The following MALRD1 variants were observed in gnomAD, a reference collection of about 807,000 sequenced individuals.
MALRD1 encodes MAM and LDL-receptor class A domain-containing protein 1.
MALRD1 carries 247 observed loss-of-function variants against 242.1 expected under a neutral mutation model. The ratio of observed to expected loss-of-function variants is 1.02; its 90% CI spans 0.92 to 1.13. The LOEUF is 1.13. Ranked by LOEUF, MALRD1 falls within the 50% of genes most tolerant of loss-of-function variation. The pLI is 0.00. For synonymous variants in MALRD1, 995 were observed against 866.6 expected (o/e 1.15, Z -2.60); for missense variants, 2,989 against 2,533.1 (o/e 1.18, Z -3.86).
intron 1 of MALRD1, among the ~76,000 whole-genome samples, chr10:19,059,279 A>T (rs1291884564): frequency 1.3e-5 from 2 of 151,610 alleles, no homozygotes; most frequent in Non-Finnish European, 2.9e-5. Context: ...GGCACTGCAC[A>T]TAAAATATGA....
chr10:19,478,840 A>C (rs554079490), intron 29 of MALRD1, among the ~76,000 whole-genome samples: 4 of 152,320 alleles, frequency 2.6e-5, no homozygotes, highest in Admixed American at 2.6e-4. Flanking sequence ...AATGACAATA[A>C]TTATCACACA....
intron 21 of MALRD1, among the ~76,000 whole-genome samples, chr10:19,310,358 G>A (rs2499061): frequency 0.21 from 32,426 of 151,144 alleles, 3,893 homozygotes; most frequent in South Asian, 0.34. Flanking sequence ...ACAATTGAAG[G>A]GATAACTATA....
intron 28 of MALRD1, among the ~76,000 whole-genome samples, chr10:19,405,234 G>A (rs1297076051): frequency 6.6e-6 from 1 of 152,170 alleles, no homozygotes; most frequent in African/African-American, 2.4e-5. Context: ...TGTAGAAGGA[G>A]AAATATGAAC....
rs184308017 is a variant in MALRD1, at chr10:19,407,525, T to C, written c.4845+17916T>C. On this transcript the variant is annotated intron_variant, in intron 28 of 39. Coordinates refer to ENST00000454679, the MANE Select transcript of MALRD1 (RefSeq NM_001142308.3). ...AAAATAAAAAATAAAGAACTTCTAA[T>C]TGCTAAAGCATAGACAAATTGACAA... 2.9e-3 allele frequency among the ~76,000 whole-genome samples: 446 copies of C among 152,056 alleles called. 4 individuals carry two copies. The highest frequency in any genetic ancestry group is 0.024 in the South Asian group (116 of 4,820).
At chr10:19,431,110 T>C (rs1374702893) in intron 28 of MALRD1, among the ~76,000 whole-genome samples, 1 of 152,106 alleles carries the variant, frequency 6.6e-6, no homozygotes, top group Non-Finnish European at 1.5e-5. Context: ...CCATCACGTA[T>C]GTATTAAGCC....
chr10:19,081,501 A>G (rs1406563274), intron 2 of MALRD1, among the ~76,000 whole-genome samples: 2 of 152,116 alleles, frequency 1.3e-5, no homozygotes, highest in African/African-American at 2.4e-5. Flanking sequence ...ATCCTCAGCA[A>G]ACTAGTGCTG....
Position 19,376,542 on chromosome 10 carries a change from CTT to C in MALRD1, c.4442-10959_4442-10958del, listed in dbSNP as rs57836152. Among the ~76,000 whole-genome samples, 103 of 94,982 alleles carry C rather than the reference CTT, an allele frequency of 1.1e-3. 5 individuals carry two copies. The highest frequency in any genetic ancestry group is 1.6e-3 in the South Asian group (4 of 2,438). The allele number at this position is 94,982 out of a possible 152,430, so 62.3% of individuals were successfully genotyped here. A position where few individuals can be genotyped will look rare whatever the true frequency, so the allele number is the denominator to read the frequency against. On this transcript the variant is annotated intron_variant, in intron 26 of 39. Transcript: ENST00000454679. The stretch of plus-strand genomic sequence containing the variant: ...TTGAAAGTCAAGGAGTTGATACATT[CTT>C]TTTTTTTTTTTTTTTTTTTTTTTTT...
chr10:19,517,668 A>G (rs922221554), intron 31 of MALRD1, among the ~76,000 whole-genome samples: 5 of 152,166 alleles, frequency 3.3e-5, no homozygotes, highest in East Asian at 1.9e-4. Context: ...AACCTTACCT[A>G]TTGGATCCAG....
At chr10:19,303,732 TTA>T (rs753109568) in intron 21 of MALRD1, among the ~76,000 whole-genome samples, 2 of 151,752 alleles carry the variant, frequency 1.3e-5, no homozygotes, top group Non-Finnish European at 3.0e-5. Context: ...GTTGAGATAT[TTA>T]TGTCTTTTTT....
At chr10:19,673,338 G>C (rs1272329643) in intron 36 of MALRD1, among the ~76,000 whole-genome samples, 1 of 152,158 alleles carries the variant, frequency 6.6e-6, no homozygotes, top group Admixed American at 6.5e-5. Flanking sequence ...AGTGAGCCGA[G>C]ATCGCGCCAC....
In MALRD1 at chr10:19,474,574, A is replaced by G. The variant is rs189835605; in HGVS notation, c.5030-16943A>G. Among the ~76,000 whole-genome samples, 14 of 152,190 alleles carry G rather than the reference A, an allele frequency of 9.2e-5. No individual in the cohort carries two copies. In the East Asian group the frequency reaches 2.5e-3, roughly 27 times the overall value. On this transcript the variant is annotated intron_variant, in intron 29 of 39. Coordinates refer to ENST00000454679, the MANE Select transcript of MALRD1 (RefSeq NM_001142308.3). ...CCAACTAATGTTGTTCCCTGGTGTC[A>G]TTACAAGGAATAAGCCCATTGTAAG... is the stretch of plus-strand genomic sequence containing the variant.
intron 36 of MALRD1, among the ~76,000 whole-genome samples, chr10:19,661,236 A>C (rs1841412691): frequency 6.6e-6 from 1 of 152,228 alleles, no homozygotes; most frequent in African/African-American, 2.4e-5. Flanking sequence ...GCGATTCCTC[A>C]GGGATCTAGA....
chr10:19,162,817 T>A (rs1315487155), intron 12 of MALRD1, among the ~76,000 whole-genome samples: 1 of 151,988 alleles, frequency 6.6e-6, no homozygotes, highest in African/African-American at 2.4e-5. Context: ...ACTTGGTACA[T>A]ATACCCACAG....
intron 1 of MALRD1, among the ~76,000 whole-genome samples, chr10:19,053,568 A>C (rs1834572555): frequency 6.6e-6 from 1 of 152,194 alleles, no homozygotes; most frequent in South Asian, 2.1e-4. Flanking sequence ...ATACAGAATT[A>C]AAAGCAGTTC....
At chr10:19,447,478 A>G (rs913273426) in intron 28 of MALRD1, among the ~76,000 whole-genome samples, 6 of 152,194 alleles carry the variant, frequency 3.9e-5, no homozygotes, top group Non-Finnish European at 7.4e-5. Flanking sequence ...ATGACAGTGA[A>G]TGCATTATTT....
At chr10:19,370,514 G>C (rs1577297) in intron 26 of MALRD1, among the ~76,000 whole-genome samples, 119,801 of 152,140 alleles carry the variant, frequency 0.79, 47,709 homozygotes, top group African/African-American at 0.9. Context: ...TGTATTAAAA[G>C]TACAATTAAT....
chr10:19,422,548 T>C (rs2078792617), intron 28 of MALRD1, among the ~76,000 whole-genome samples: 1 of 152,196 alleles, frequency 6.6e-6, no homozygotes, highest in African/African-American at 2.4e-5. Flanking sequence ...GTAATCGCTT[T>C]CTGGCCCCAG....
At chr10:19,461,859 T>G (rs1227851863) in intron 29 of MALRD1, among the ~76,000 whole-genome samples, 1 of 152,060 alleles carries the variant, frequency 6.6e-6, no homozygotes, top group Non-Finnish European at 1.5e-5. Context: ...CTATTTAATT[T>G]CCCTTTCTGT....
At chr10:19,384,361 T>C (rs1845970842) in intron 26 of MALRD1, among the ~76,000 whole-genome samples, 1 of 124,230 alleles carries the variant, frequency 8.0e-6, no homozygotes, top group Admixed American at 1.0e-4. Flanking sequence ...ATATATATTA[T>C]ATAGTATATA....
Sources: gnomAD v4.1 joint callset for allele counts (sites outside exome capture counted in the v4.1 genomes callset) on GRCh38, gnomAD v4.1.1 for gene constraint, MANE v1.5 for transcripts, NCBI Gene and HGNC (gene_info 2026-07-23, HGNC 2026-07-21) for gene names.